Variants in KCNMA1 observed in about 807,000 individuals in gnomAD.
KCNMA1 encodes the protein potassium calcium-activated channel subfamily M alpha 1.
KCNMA1 carries 29 observed loss-of-function variants against 140.0 expected under a neutral mutation model. The observed-to-expected ratio is 0.21, with a 90% CI of 0.15 to 0.28. The LOEUF (loss-of-function observed/expected upper bound fraction) is 0.28, where lower values mean the gene tolerates loss of function less well. Ranked by LOEUF, KCNMA1 falls within the 10% of genes least tolerant of loss-of-function variation. The pLI is 1.00. For synonymous variants in KCNMA1, 612 were observed against 611.9 expected (o/e 1.00, Z 0.00); for missense variants, 880 against 1,602.2 (o/e 0.55, Z 7.70).
At chr10:77,392,610 A>T (rs1266771499) in intron 2 of KCNMA1, among the ~76,000 whole-genome samples, 1 of 152,254 alleles carries the variant, frequency 6.6e-6, no homozygotes, top group African/African-American at 2.4e-5. Context: ...AGCACATTGA[A>T]CAGTATCTGA....
At chr10:76,992,616 TCTCAGCATG>T (rs1287473567) in intron 19 of KCNMA1, among the ~76,000 whole-genome samples, 7 of 152,248 alleles carry the variant, frequency 4.6e-5, no homozygotes, top group Non-Finnish European at 7.4e-5. Context: ...AAGTTGGCAT[TCTCAGCATG>T]CACAGCCTAC....
At chr10:77,151,009 T>C (rs1304842491) in intron 5 of KCNMA1, among the ~76,000 whole-genome samples, 1 of 152,150 alleles carries the variant, frequency 6.6e-6, no homozygotes, top group Non-Finnish European at 1.5e-5. Flanking sequence ...GGTCACTCAG[T>C]AACAAAGAAA....
chr10:76,887,375 T>G lies in KCNMA1; in HGVS notation c.3602A>C (p.Lys1201Thr). Reference sequence around the variant, plus strand: ...GATGGAGTGAACAGAGGAGCTCTTCTTGCTGGAGGACTGCGACGAGTGGGA... The same window carrying G: ...GATGGAGTGAACAGAGGAGCTCTTCGTGCTGGAGGACTGCGACGAGTGGGA... Reference protein sequence around the residue: ...HSSHSSQSSSKKSSSVHSIPS... With the variant: ...HSSHSSQSSSTKSSSVHSIPS... The change falls in exon 28 of 28, where the codon AAG becomes ACG. Residue 1201 changes from lysine (K) to threonine (T), a missense_variant. By Grantham distance (78) the Lys-to-Thr change is moderately conservative (BLOSUM62 -1). Coordinates refer to ENST00000286628, the MANE Select transcript of KCNMA1 (RefSeq NM_001161352.2). 1 of 1,614,114 alleles carries G rather than the reference T, an allele frequency of 6.2e-7. No individual in the cohort carries two copies. Among genetic ancestry groups the G allele is most frequent in the Non-Finnish European group, 8.5e-7 (1 of 1,180,010 alleles).
At position 77,082,747 on chromosome 10, in the gene KCNMA1, C is replaced by G. The variant is rs115758072; in HGVS notation, c.1523+1890G>C. Among the ~76,000 whole-genome samples, 1,489 of 152,356 alleles carry G rather than the reference C, an allele frequency of 9.8e-3. 27 individuals are homozygous for G. The highest frequency in any genetic ancestry group is 0.034 in the African/African-American group (1,414 of 41,594). ...GTGAAGCCAGAATCTGTTCCACCCT[C>G]TCTCTGCAGCCTGGCAAGCCCAAAG... On this transcript the variant is annotated intron_variant, in intron 12 of 27. Coordinates refer to ENST00000286628, the MANE Select transcript of KCNMA1 (RefSeq NM_001161352.2).
chr10:77,201,877 C>G (rs1049589976), intron 3 of KCNMA1, among the ~76,000 whole-genome samples: 24 of 151,892 alleles, frequency 1.6e-4, no homozygotes, highest in African/African-American at 5.8e-4. Flanking sequence ...CTTGAGTTTA[C>G]AGCAGTACGC....
chr10:77,214,190 C>A (rs2154178643), intron 3 of KCNMA1, among the ~76,000 whole-genome samples: 1 of 152,326 alleles, frequency 6.6e-6, no homozygotes, highest in Middle Eastern at 3.4e-3. Context: ...TACTGACTGG[C>A]AAACTGCTAT....
chr10:77,014,748 G>A (rs2095384877), intron 17 of KCNMA1, among the ~76,000 whole-genome samples: 1 of 152,196 alleles, frequency 6.6e-6, no homozygotes, highest in Non-Finnish European at 1.5e-5. Flanking sequence ...GTGAAATGAG[G>A]CAAGGGTCGG....
rs1187946270 is a variant in KCNMA1, at chr10:77,038,710, T to C, written c.1859+818A>G. Among the ~76,000 whole-genome samples the C allele has an allele frequency of 2.6e-5, 4 of 152,246 alleles. No homozygotes were observed. The East Asian group carries it at 7.7e-4, about 29-fold the overall frequency. The stretch of plus-strand genomic sequence containing the variant: ...GTGTGCCACCACACTCGGCTAATTT[T>C]CCTTATTTTTTGTAGAGATAAAGTC... On this transcript the variant is annotated intron_variant, in intron 15 of 27. Coordinates refer to ENST00000286628, the MANE Select transcript of KCNMA1 (RefSeq NM_001161352.2).
At chr10:77,029,748 G>A (rs1019796627) in intron 15 of KCNMA1, among the ~76,000 whole-genome samples, 14 of 152,072 alleles carry the variant, frequency 9.2e-5, no homozygotes, top group African/African-American at 3.1e-4. Context: ...GAGCTTTCTA[G>A]GAAGTAGAAA....
chr10:77,326,037 C>A (rs547368075), intron 2 of KCNMA1, among the ~76,000 whole-genome samples: 1 of 152,168 alleles, frequency 6.6e-6, no homozygotes, highest in East Asian at 1.9e-4. Context: ...GGAACCATGC[C>A]TCTTACCTCT....
chr10:77,158,253 A>C (rs1241830426), intron 5 of KCNMA1, among the ~76,000 whole-genome samples: 1 of 152,200 alleles, frequency 6.6e-6, no homozygotes, highest in Non-Finnish European at 1.5e-5. Flanking sequence ...AGAGAAAAAT[A>C]ATGACCTAGT....
chr10:77,328,835 G>A (rs1159873375), intron 2 of KCNMA1, among the ~76,000 whole-genome samples: 2 of 151,922 alleles, frequency 1.3e-5, no homozygotes, highest in African/African-American at 4.8e-5. Flanking sequence ...TTTTGTTTTT[G>A]TTTTTGTTTT....
At chr10:77,295,116 G>A (rs949785645) in intron 2 of KCNMA1, among the ~76,000 whole-genome samples, 7 of 151,956 alleles carry the variant, frequency 4.6e-5, no homozygotes. Flanking sequence ...GGGAAGCCAA[G>A]GTGGGCAGAT....
At chr10:77,368,168 TG>T (rs1445765928) in intron 2 of KCNMA1, among the ~76,000 whole-genome samples, 4 of 152,220 alleles carry the variant, frequency 2.6e-5, no homozygotes, top group African/African-American at 9.6e-5. Context: ...TAGTAATGTC[TG>T]AGAGTTCCAG....
chr10:76,905,978 G>A (rs1000506479), intron 25 of KCNMA1, among the ~76,000 whole-genome samples: 4 of 152,160 alleles, frequency 2.6e-5, no homozygotes, highest in Admixed American at 6.5e-5. Context: ...CGCTCTAATC[G>A]CTTTACAACC....
intron 1 of KCNMA1, among the ~76,000 whole-genome samples, chr10:77,563,908 C>T (rs760940464): frequency 6.6e-6 from 1 of 152,202 alleles, no homozygotes; most frequent in Non-Finnish European, 1.5e-5. Context: ...GTCTCTTGCT[C>T]TGCAGACTGG....
chr10:76,983,152 T>C (rs2080094432), intron 19 of KCNMA1, among the ~76,000 whole-genome samples: 1 of 152,220 alleles, frequency 6.6e-6, no homozygotes, highest in South Asian at 2.1e-4. Flanking sequence ...CAAAAAATCA[T>C]TTTCAACAAA....
At chr10:76,887,877 A>G (rs138472144) in intron 27 of KCNMA1, 1 of 311,524 alleles carries the variant, frequency 3.2e-6, no homozygotes, top group African/African-American at 2.1e-5. Context: ...TCATTTCATA[A>G]TTTTCGGACA....
intron 20 of KCNMA1, among the ~76,000 whole-genome samples, chr10:76,968,995 C>T (rs1432362772): frequency 1.3e-5 from 2 of 152,076 alleles, no homozygotes; most frequent in Non-Finnish European, 2.9e-5. Context: ...GTCAAGATGG[C>T]AGGCATTTCC....
Sources: allele counts gnomAD v4.1 joint callset (sites outside exome capture counted in the v4.1 genomes callset), GRCh38; gene constraint gnomAD v4.1.1; transcripts MANE v1.5; gene names NCBI Gene and HGNC (gene_info 2026-07-23, HGNC 2026-07-21).